The following PEG3 variants were observed in gnomAD, a reference collection of about 807,000 sequenced individuals.
PEG3 encodes the protein paternally-expressed gene 3 protein.
PEG3 carries 23 observed loss-of-function variants against 35.5 expected under a neutral mutation model. The observed-to-expected ratio is 0.65, with a 90% confidence interval of 0.47 to 0.92. The LOEUF is 0.92. PEG3 is among the 40% of genes least tolerant of loss of function. The probability of loss-of-function intolerance (pLI) is 0.00; values close to 1 mark genes in which losing one functional copy is unlikely to be tolerated. For missense variants in PEG3, 1,960 were observed against 1,985.3 expected, an observed-to-expected ratio of 0.99 and a Z score of 0.24; for synonymous variants, 707 against 697.0, an observed-to-expected ratio of 1.01 and a Z score of -0.23.
At position 56,817,102 on chromosome 19, in the gene PEG3, A is replaced by C. The variant is rs749286230; in HGVS notation, c.1340T>G (p.Phe447Cys). The C allele has an allele frequency of 2.5e-6, 4 of 1,614,026 alleles. No homozygotes were observed. Among genetic ancestry groups the C allele is most frequent in the Non-Finnish European group, 2.5e-6 (3 of 1,180,028 alleles). Residue 447 changes from phenylalanine (F) to cysteine (C), a missense_variant, in exon 10 of 10, where the codon TTT becomes TGT. Physicochemically the swap from Phe to Cys is radical, Grantham distance 205. This residue lies in a region of PEG3 where 613 missense variants were observed against 577.1 expected (regional missense o/e 1.06). Transcript: ENST00000326441. ...ATCACATACATATGGCATTGCCCCA[A>C]AATCAATTGGCTGTGACTCGGTAAA... is the stretch of plus-strand genomic sequence containing the variant. ...PSFTESQPID[F>C]GAMPYVCDEC...
rs1476317452 is a variant in PEG3 at position 56,813,446 on chromosome 19, T to C, written c.*229A>G. 5 of 1,368,584 alleles carry C rather than the reference T, an allele frequency of 3.7e-6. No homozygotes were observed. The highest frequency in any genetic ancestry group is 4.7e-6 in the Non-Finnish European group (5 of 1,061,116). The allele number at this position is 1,368,584 out of a possible 1,614,324, so 84.8% of individuals were successfully genotyped here. On this transcript the variant is annotated 3_prime_UTR_variant, in exon 10 of 10. Coordinates refer to ENST00000326441, the MANE Select transcript of PEG3 (RefSeq NM_006210.3). ...TGATTACTTGGAAAGGTAAGATGTG[T>C]GCTATGGCTTTCCCACATGCAGACA... is the stretch of plus-strand genomic sequence containing the variant.
At chr19:56,820,718 G>A (rs888770889) in intron 7 of PEG3, among the ~76,000 whole-genome samples, 1 of 152,172 alleles carries the variant, frequency 6.6e-6, no homozygotes, top group Non-Finnish European at 1.5e-5. Context: ...TTTCCTTGAG[G>A]ACACTGAGAA....
At chr19:56,835,997 T>C (rs759357884) in intron 2 of PEG3, 21 bp downstream of exon 2, 1 of 509,326 alleles carries the variant, frequency 2.0e-6, no homozygotes, top group South Asian at 1.4e-5. Context: ...TGTGGCACTG[T>C]GAGGAGGAAA....
Position 56,817,164 on chromosome 19 carries a change from C to T in PEG3, c.1278G>A (p.Met426Ile). The T allele has an allele frequency of 6.2e-7, 1 of 1,614,206 alleles. No individual in the cohort carries two copies. Among genetic ancestry groups the T allele is most frequent in the African/African-American group, 1.3e-5 (1 of 75,068 alleles). ...TGAGGCTGCTCAGGCTGCTCACGCT[C>T]ATGGCTTTTCTCATCTCACTACCAC... ...FECGSEMRKA[M>I]SVSSLSSLSS... The change falls in exon 10 of 10, where the codon ATG (methionine) becomes ATA (isoleucine). Residue 426 changes from methionine to isoleucine, a missense_variant. Met to Ile is a conservative substitution (Grantham distance 10). Around this residue, in one of 5 missense-constraint regions of PEG3, gnomAD observed 613 missense variants for 577.1 expected, o/e 1.06. Coordinates refer to ENST00000326441, the MANE Select transcript of PEG3 (RefSeq NM_006210.3).
rs35563894 is a variant in PEG3 at position 56,813,201 on chromosome 19, CAAAA to C, written c.*470_*473del. The C allele has an allele frequency of 9.3e-5, 80 of 858,198 alleles. No homozygotes were observed. In the African/African-American group the frequency reaches 1.3e-3, roughly 14 times the overall value. 53.2% of individuals were successfully genotyped at this position (858,198 alleles called of 1,614,324 possible). A position where few individuals can be genotyped will look rare whatever the true frequency, so the allele number is the denominator to read the frequency against. On this transcript the variant is annotated 3_prime_UTR_variant, in exon 10 of 10. Coordinates refer to ENST00000326441, the MANE Select transcript of PEG3 (RefSeq NM_006210.3). ...CAAATTTGTTGCTCTCTTCCTCCTC[CAAAA>C]AAAAAAAAAATTCAAAGAATACCAG...
chr19:56,816,618 A>G lies in PEG3; in HGVS notation c.1824T>C (p.Phe608=). Residue 608 remains phenylalanine, a synonymous_variant, in exon 10 of 10, where the codon TTT becomes TTC. Transcript: ENST00000326441. The part of the protein sequence containing the change: ...RERERERGET[F]RPSPALNEFQ... Reference sequence around the variant, plus strand: ...ACTCATTAAGGGCTGGGCTGGGCCTAAAGGTTTCCCCGCGCTCACGTTCAC... The same window carrying G: ...ACTCATTAAGGGCTGGGCTGGGCCTGAAGGTTTCCCCGCGCTCACGTTCAC... 5 of 1,613,890 alleles carry G rather than the reference A, an allele frequency of 3.1e-6. No individual in the cohort carries two copies. Among genetic ancestry groups the G allele is most frequent in the Non-Finnish European group, 4.2e-6 (5 of 1,179,882 alleles).
In PEG3 at chr19:56,818,549, A is replaced by C. The variant is rs372026247; in HGVS notation, c.772+51T>G. On this transcript the variant is annotated intron_variant, in intron 8 of 9. Coordinates refer to ENST00000326441, the MANE Select transcript of PEG3 (RefSeq NM_006210.3). Reference sequence around the variant, plus strand: ...CCAGCTTAAAAAGGAGCAAGATGACAAAATGCTCCAATGACTGGACTGGGA... The same window carrying C: ...CCAGCTTAAAAAGGAGCAAGATGACCAAATGCTCCAATGACTGGACTGGGA... 1.3e-4 allele frequency: 205 copies of C among 1,600,022 alleles called. 1 individual carries two copies. In the African/African-American group the frequency reaches 2.2e-3, roughly 17 times the overall value.
At position 56,816,655 on chromosome 19, in the gene PEG3, T is replaced by TTCAC; in HGVS notation, c.1786_1787insGTGA (p.His596ArgfsTer3). The TTCAC allele has an allele frequency of 6.2e-7, 1 of 1,612,368 alleles. No individual in the cohort carries two copies. Among genetic ancestry groups the TTCAC allele is most frequent in the African/African-American group, 1.3e-5 (1 of 74,984 alleles). On this transcript the variant is annotated frameshift_variant, in exon 10 of 10. Coordinates refer to ENST00000326441, the MANE Select transcript of PEG3 (RefSeq NM_006210.3). LOFTEE classifies it low-confidence loss of function (END_TRUNC). The stretch of plus-strand genomic sequence containing the variant: ...GCGCTCACGTTCACGTTCACGTTCA[T>TTCAC]GTTCACGCTCATTATCTTTGTCATC...
rs2059906074 is a variant in PEG3 at position 56,815,575 on chromosome 19, G to A, written c.2867C>T (p.Pro956Leu). ...AGGGCGAAATGTTTGTTCACCAAAA[G>A]GCAGAGAGTGAATTACAGAGGTCTC... ...SNETSVIHSLPFGEQTFRPRG... is the reference protein window; with the variant it reads ...SNETSVIHSLLFGEQTFRPRG... The change falls in exon 10 of 10, where the codon CCT (proline) becomes CTT (leucine). Residue 956 changes from proline to leucine, a missense_variant. This residue lies in a region of PEG3 where 798 missense variants were observed against 782.4 expected (regional missense o/e 1.02). Coordinates refer to ENST00000326441, the MANE Select transcript of PEG3 (RefSeq NM_006210.3). The A allele has an allele frequency of 6.2e-7, 1 of 1,614,072 alleles. No individual in the cohort carries two copies.
At chr19:56,821,017 TC>T (rs1247601902) in intron 7 of PEG3, among the ~76,000 whole-genome samples, 1 of 152,224 alleles carries the variant, frequency 6.6e-6, no homozygotes, top group Non-Finnish European at 1.5e-5. Context: ...ACATTTTTTT[TC>T]CCTTCATGAA....
intron 1 of PEG3, among the ~76,000 whole-genome samples, chr19:56,839,559 G>T (rs932828333): frequency 1.6e-4 from 24 of 151,282 alleles, no homozygotes; most frequent in African/African-American, 5.8e-4. Flanking sequence ...CGTCAAAGCG[G>T]GCGGGGCCTG....
rs34297427 is a variant in PEG3 at position 56,812,418 on chromosome 19, A to AT, written c.*1256dup. 141,156 of 771,042 alleles carry AT rather than the reference A, an allele frequency of 0.18. 1,864 individuals are homozygous for AT. Among genetic ancestry groups the AT allele is most frequent in the East Asian group, 0.37 (3,006 of 8,142 alleles). 47.8% of individuals were successfully genotyped at this position (771,042 alleles called of 1,614,324 possible). A position where few individuals can be genotyped will look rare whatever the true frequency, so the allele number is the denominator to read the frequency against. On this transcript the variant is annotated 3_prime_UTR_variant, in exon 10 of 10. Transcript: ENST00000326441. The stretch of plus-strand genomic sequence containing the variant: ...GTTAAGCTTGGGTTGACTGTAAAGA[A>AT]TTTTTTTTTTTTTAATGCAAGTTAG...
chr19:56,823,485 C>T (rs1385067722), intron 5 of PEG3, 108 bp downstream of exon 5: 7 of 1,332,830 alleles, frequency 5.3e-6, no homozygotes, highest in South Asian at 3.7e-5. Context: ...GCTGACCACT[C>T]GGGGATGGCG....
At position 56,811,233 on chromosome 19, in the gene PEG3, T is replaced by A; in HGVS notation, c.*2442A>T. ...ACATTCAAGAAATTTAAGAAAATAA[T>A]GCTCAACTATAAGCCTACAACAACA... On this transcript the variant is annotated 3_prime_UTR_variant, in exon 10 of 10. Transcript: ENST00000326441. 1 of 964,318 alleles carries A rather than the reference T, an allele frequency of 1.0e-6. No homozygotes were observed. Among genetic ancestry groups the A allele is most frequent in the Non-Finnish European group, 1.2e-6 (1 of 810,752 alleles). 59.7% of individuals were successfully genotyped at this position (964,318 alleles called of 1,614,324 possible).
In PEG3 at chr19:56,816,280, G is replaced by C. The variant is rs139810614; in HGVS notation, c.2162C>G (p.Ser721Cys). ...NLFEGRGYEK[S>C]VIHSGPFTES... ...AGTGAATGGCCCACTATGAATGACA[G>C]ATTTCTCATACCCTCTGCCTTCAAA... The change falls in exon 10 of 10, where the codon TCT (serine) becomes TGT (cysteine). Residue 721 changes from serine (S) to cysteine (C), a missense_variant. Ser to Cys is a moderately radical substitution (Grantham distance 112). Coordinates refer to ENST00000326441, the MANE Select transcript of PEG3 (RefSeq NM_006210.3). 1.2e-6 allele frequency: 2 copies of C among 1,613,886 alleles called. No individual in the cohort carries two copies. Among genetic ancestry groups the C allele is most frequent in the African/African-American group, 1.3e-5 (1 of 75,032 alleles).
At chr19:56,830,848 C>A (rs1010531081) in intron 2 of PEG3, among the ~76,000 whole-genome samples, 1 of 151,938 alleles carries the variant, frequency 6.6e-6, no homozygotes, top group East Asian at 1.9e-4. Context: ...TGCAGGGGGG[C>A]CCTGGGAGGT....
rs1414421345 is a variant in PEG3 at position 56,822,812 on chromosome 19, C to T, written c.506G>A (p.Gly169Asp). ...TCGTGGCTCCATGTCTCTGCTTCTGCCCCTCCGGTCCCAGTCCCGGTCACC... is the reference window on the plus strand; with the variant it reads ...TCGTGGCTCCATGTCTCTGCTTCTGTCCCTCCGGTCCCAGTCCCGGTCACC... ...SFSDRDWDRRGRSRDMEPRDR... is the reference protein window; with the variant it reads ...SFSDRDWDRRDRSRDMEPRDR... Residue 169 changes from glycine to aspartate, a missense_variant, in exon 6 of 10, where the codon GGC becomes GAC. Physicochemically the swap from Gly to Asp is moderately conservative, Grantham distance 94 (BLOSUM62 -1). Around this residue, in one of 5 missense-constraint regions of PEG3, gnomAD observed 613 missense variants for 577.1 expected, o/e 1.06. Transcript: ENST00000326441. 6.2e-7 allele frequency: 1 copy of T among 1,613,998 alleles called. No homozygotes were observed. Among genetic ancestry groups the T allele is most frequent in the Admixed American group, 1.7e-5 (1 of 60,006 alleles).
chr19:56,816,509 G>A lies in PEG3; in HGVS notation c.1933C>T (p.His645Tyr), dbSNP rs1406087159. 1.9e-6 allele frequency: 3 copies of A among 1,613,024 alleles called. No individual in the cohort carries two copies. In the East Asian group the frequency reaches 6.7e-5, roughly 36 times the overall value. ...TTCCCTCTAGTATGGATTTTCTGAT[G>A]TTCTTTCAGGGATGAGCTATGAAGG... Reference protein sequence around the residue: ...TFLHSSSLKEHQKIHTRGNPF... With the variant: ...TFLHSSSLKEYQKIHTRGNPF... Residue 645 changes from histidine (H) to tyrosine (Y), a missense_variant, in exon 10 of 10, where the codon CAT (histidine) becomes TAT (tyrosine). Transcript: ENST00000326441.
chr19:56,810,368 C>A lies in PEG3; in HGVS notation c.*3307G>T, dbSNP rs959379065. On this transcript the variant is annotated 3_prime_UTR_variant, in exon 10 of 10. Coordinates refer to ENST00000326441, the MANE Select transcript of PEG3 (RefSeq NM_006210.3). ...TTTCAAGGAAACCGAAACAAAATAA[C>A]CATAATCCCACAACAACCACACAAC... The A allele has an allele frequency of 1.0e-6, 1 of 985,222 alleles. No homozygotes were observed. Among genetic ancestry groups the A allele is most frequent in the African/African-American group, 1.7e-5 (1 of 57,230 alleles). The allele number at this position is 985,222 out of a possible 1,614,324, so 61.0% of individuals were successfully genotyped here.
Sources: gnomAD v4.1 joint callset for allele counts (sites outside exome capture counted in the v4.1 genomes callset) on GRCh38, gnomAD v4.1.1 for gene constraint, gnomAD v4.1.1 regional missense constraint, MANE v1.5 for transcripts, NCBI Gene and HGNC (gene_info 2026-07-23, HGNC 2026-07-21) for gene names.